The following NCKAP5 variants were observed in gnomAD, a reference collection of about 807,000 sequenced individuals.
The protein encoded by NCKAP5 is nck-associated protein 5.
Under a neutral mutation model 167.0 loss-of-function variants are expected in NCKAP5, and 92 were observed. The ratio of observed to expected loss-of-function variants is 0.55; its 90% confidence interval spans 0.47 to 0.66. The LOEUF is 0.66. NCKAP5 is among the 30% of genes least tolerant of loss of function. The probability of loss-of-function intolerance (pLI) is 0.00; values close to 1 mark genes in which losing one functional copy is unlikely to be tolerated. For missense variants in NCKAP5, 2,378 were observed against 2,315.0 expected (o/e 1.03, Z -0.56); for synonymous variants, 891 against 877.4 (o/e 1.02, Z -0.27).
At chr2:133,021,047 C>G (rs1220982102) in intron 6 of NCKAP5, among the ~76,000 whole-genome samples, 1 of 152,178 alleles carries the variant, frequency 6.6e-6, no homozygotes, top group Admixed American at 6.5e-5. Flanking sequence ...ATTCAGCACA[C>G]CCCCTCAGGA....
intron 3 of NCKAP5, among the ~76,000 whole-genome samples, chr2:133,326,458 C>CAAAAAAAA (rs34750625): frequency 6.2e-4 from 30 of 48,746 alleles, no homozygotes; most frequent in African/African-American, 1.3e-3. Context: ...TCAGTCTCAA[C>CAAAAAAAA]AAAAAAAAAA....
intron 6 of NCKAP5, among the ~76,000 whole-genome samples, chr2:133,094,087 T>C (rs772665653): frequency 2.0e-5 from 3 of 152,228 alleles, no homozygotes; most frequent in Non-Finnish European, 4.4e-5. Flanking sequence ...TTTCAGGCAA[T>C]GGCTATTTGC....
chr2:133,570,719 G>C (rs1226610469), upstream of NCKAP5, among the ~76,000 whole-genome samples: 1 of 152,138 alleles, frequency 6.6e-6, no homozygotes, highest in Admixed American at 6.5e-5. Flanking sequence ...CATTTTCCTG[G>C]CTGCTAGCAA....
chr2:132,885,085 GAT>G (rs1178628406), intron 8 of NCKAP5, among the ~76,000 whole-genome samples: 1 of 151,996 alleles, frequency 6.6e-6, no homozygotes, highest in Non-Finnish European at 1.5e-5. Flanking sequence ...GGACAAAAAA[GAT>G]ATTAACAATC....
In NCKAP5 at chr2:133,293,639, T is replaced by C. The variant is rs1679752477; in HGVS notation, c.143+9398A>G. ...CCAGCAGTCTATAATAAGTATCCTT[T>C]GGTGGATAGCTTATCCCATAGCTCT... On this transcript the variant is annotated intron_variant, in intron 4 of 19. Transcript: ENST00000409261. Among the ~76,000 whole-genome samples the C allele has an allele frequency of 8.5e-5, 13 of 152,324 alleles. No individual in the cohort carries two copies. The South Asian group carries it at 2.7e-3, about 32-fold the overall frequency.
intron 17 of NCKAP5, among the ~76,000 whole-genome samples, chr2:132,730,856 C>T (rs78117820): frequency 0.058 from 8,781 of 152,220 alleles, 868 homozygotes; most frequent in African/African-American, 0.2. Context: ...ACGCAACATT[C>T]GTGGCAATGG....
chr2:133,223,678 C>T (rs1334244704), intron 4 of NCKAP5, among the ~76,000 whole-genome samples: 4 of 152,116 alleles, frequency 2.6e-5, no homozygotes, highest in African/African-American at 4.8e-5. Flanking sequence ...AAAACAGCAA[C>T]AAAATCACTC....
chr2:132,992,699 G>T (rs28421235), intron 7 of NCKAP5, among the ~76,000 whole-genome samples: 1 of 151,896 alleles, frequency 6.6e-6, no homozygotes, highest in African/African-American at 2.4e-5. Context: ...CTTTCTTTAG[G>T]TGGCCACATA....
intron 8 of NCKAP5, among the ~76,000 whole-genome samples, chr2:132,922,879 G>T (rs188082194): frequency 6.6e-6 from 1 of 152,098 alleles, no homozygotes; most frequent in African/African-American, 2.4e-5. Context: ...CCTTTATGTT[G>T]CACAGCCTGG....
At chr2:133,532,045 G>A (rs990109068) in intron 2 of NCKAP5, among the ~76,000 whole-genome samples, 6 of 152,132 alleles carry the variant, frequency 3.9e-5, no homozygotes, top group East Asian at 1.9e-4. Flanking sequence ...AACCTAGAAC[G>A]ATATACAGCA....
the NCKAP5 span, among the ~76,000 whole-genome samples, chr2:133,580,793 A>G: frequency 6.6e-6 from 1 of 152,374 alleles, no homozygotes; most frequent in African/African-American, 2.4e-5. Flanking sequence ...TCCCAAATAC[A>G]AAATCACACC....
At chr2:132,956,580 C>T (rs1303815907) in intron 8 of NCKAP5, among the ~76,000 whole-genome samples, 3 of 152,190 alleles carry the variant, frequency 2.0e-5, no homozygotes, top group East Asian at 1.9e-4. Flanking sequence ...GCCATTGGCA[C>T]ACGAATGTGC....
In NCKAP5 at chr2:132,952,880, T is replaced by C. The variant is rs374331078; in HGVS notation, c.579+10840A>G. 3.9e-5 allele frequency among the ~76,000 whole-genome samples: 6 copies of C among 152,196 alleles called. No homozygotes were observed. The South Asian group carries it at 8.3e-4, about 21-fold the overall frequency. Reference sequence around the variant, plus strand: ...ATGGTTTGCAGCGCCACTTGGCGTGTTTGTTTGGGCATGTGATTTGATGCT... The same window carrying C: ...ATGGTTTGCAGCGCCACTTGGCGTGCTTGTTTGGGCATGTGATTTGATGCT... On this transcript the variant is annotated intron_variant, in intron 8 of 19. Transcript: ENST00000409261.
chr2:133,367,600 T>C (rs1348508936), intron 3 of NCKAP5, among the ~76,000 whole-genome samples: 1 of 152,162 alleles, frequency 6.6e-6, no homozygotes, highest in Non-Finnish European at 1.5e-5. Context: ...CCATCTCTTA[T>C]TCAAACCCCT....
In NCKAP5 at chr2:132,785,675, G is replaced by A. The variant is rs776921917; in HGVS notation, c.1136C>T (p.Ser379Leu). ...AGGACTAGCAAAGCCACTTGGGAGC[G>A]AAGAATCAATACTTAGCCTTTTATC... ...NWDKRLSIDS[S>L]LPSGFASPTN... Residue 379 changes from serine (S) to leucine (L), a missense_variant, in exon 14 of 20, where the codon TCG becomes TTG. Physicochemically the swap from Ser to Leu is moderately radical, Grantham distance 145. Transcript: ENST00000409261. The A allele has an allele frequency of 3.5e-5, 53 of 1,512,006 alleles. No individual in the cohort carries two copies. Among genetic ancestry groups the A allele is most frequent in the Admixed American group, 4.7e-5 (2 of 42,776 alleles). The allele number at this position is 1,512,006 out of a possible 1,614,324, so 93.7% of individuals were successfully genotyped here.
intron 16 of NCKAP5, among the ~76,000 whole-genome samples, chr2:132,764,420 T>C (rs1379588550): frequency 1.3e-5 from 2 of 152,238 alleles, no homozygotes; most frequent in Non-Finnish European, 2.9e-5. Flanking sequence ...TCTCTCCCTT[T>C]TGAGTTTATC....
At chr2:133,250,715 A>T (rs1400502610) in intron 4 of NCKAP5, among the ~76,000 whole-genome samples, 1 of 152,188 alleles carries the variant, frequency 6.6e-6, no homozygotes. Context: ...AGGAGGGAGG[A>T]TCACTTGAGG....
At chr2:133,241,252 A>G (rs1266542722) in intron 4 of NCKAP5, among the ~76,000 whole-genome samples, 2 of 152,144 alleles carry the variant, frequency 1.3e-5, no homozygotes, top group Non-Finnish European at 2.9e-5. Flanking sequence ...TCCTCGCCCT[A>G]TTTTGGGTTT....
intron 11 of NCKAP5, among the ~76,000 whole-genome samples, chr2:132,849,646 A>T (rs1339939810): frequency 6.6e-6 from 1 of 152,168 alleles, no homozygotes; most frequent in Non-Finnish European, 1.5e-5. Context: ...TTCTAACATT[A>T]AGGTACTAGA....
Sources: gnomAD v4.1 joint callset for allele counts (sites outside exome capture counted in the v4.1 genomes callset) on GRCh38, gnomAD v4.1.1 for gene constraint, MANE v1.5 for transcripts, NCBI Gene and HGNC (gene_info 2026-07-23, HGNC 2026-07-21) for gene names.